The following ERICH1 variants were observed in gnomAD, a reference collection of about 807,000 sequenced individuals.
ERICH1 encodes the protein glutamate-rich protein 1.
Under a neutral mutation model 39.6 loss-of-function variants are expected in ERICH1, and 56 were observed. The observed-to-expected ratio is 1.41, with a 90% CI of 1.14 to 1.77. The LOEUF (loss-of-function observed/expected upper bound fraction) is 1.77. ERICH1 is among the 40% of genes most tolerant of loss of function. The pLI, the probability that ERICH1 is intolerant of heterozygous loss-of-function variation, is 0.00. For synonymous variants in ERICH1, 313 were observed against 223.6 expected (o/e 1.40, Z -3.57); for missense variants, 826 against 575.4 (o/e 1.44, Z -4.45).
At chr8:731,079 G>T in intron 1 of ERICH1, 61 bp downstream of exon 1, 1 of 1,396,622 alleles carries the variant, frequency 7.2e-7, no homozygotes, top group African/African-American at 1.5e-5. Context: ...AGTCAACACC[G>T]CGGTCTGAGC....
intron 3 of ERICH1, among the ~76,000 whole-genome samples, chr8:636,702 C>T (rs998980169): frequency 2.6e-5 from 4 of 152,230 alleles, no homozygotes; most frequent in East Asian, 1.9e-4. Flanking sequence ...GTGCAGCCTC[C>T]GACACTGTGA....
downstream of ERICH1, among the ~76,000 whole-genome samples, chr8:660,741 G>C (rs948211682): frequency 1.3e-5 from 2 of 152,224 alleles, no homozygotes; most frequent in Admixed American, 6.5e-5. Flanking sequence ...AGAGATGAAA[G>C]AATGGCTGGG....
rs144899953 is a variant in ERICH1 at position 643,698 on chromosome 8, C to T, written c.976+24900G>A. 1.1e-4 allele frequency among the ~76,000 whole-genome samples: 17 copies of T among 152,340 alleles called. 1 individual carries two copies. The East Asian group carries it at 3.1e-3, about 28-fold the overall frequency. ...GACAGCATCTGGAATGTCACTGAGC[C>T]ATCCGCGACTTCGGGAGCTTGTGGG... On this transcript the variant is annotated intron_variant, in intron 3 of 3. Coordinates refer to the ERICH1 transcript ENST00000522706.
intron 3 of ERICH1, among the ~76,000 whole-genome samples, chr8:642,111 C>T (rs2117231323): frequency 6.6e-6 from 1 of 152,206 alleles, no homozygotes; most frequent in East Asian, 1.9e-4. Flanking sequence ...TTTGGGTGAG[C>T]ACATGCAAAA....
At chr8:628,228 G>C (rs35204160) in intron 3 of ERICH1, among the ~76,000 whole-genome samples, 26,464 of 152,200 alleles carry the variant, frequency 0.17, 2,663 homozygotes, top group East Asian at 0.37. Context: ...GGCTAGCCAG[G>C]GCCCCAGGCA....
intron 3 of ERICH1, among the ~76,000 whole-genome samples, chr8:629,594 A>G (rs2923935): frequency 1.5e-3 from 161 of 110,770 alleles, no homozygotes; most frequent in African/African-American, 5.0e-3. Context: ...CCACCCACAG[A>G]GACAGAGCTG....
intron 2 of ERICH1, among the ~76,000 whole-genome samples, chr8:707,730 A>T (rs1300649439): frequency 1.3e-5 from 2 of 152,256 alleles, no homozygotes; most frequent in Non-Finnish European, 2.9e-5. Context: ...GTGGCCTTTG[A>T]TTAGGCAATG....
At chr8:721,800 G>A (rs1817383288) in intron 1 of ERICH1, among the ~76,000 whole-genome samples, 1 of 152,186 alleles carries the variant, frequency 6.6e-6, no homozygotes, top group South Asian at 2.1e-4. Flanking sequence ...ACACAGTGAA[G>A]CATTTGTCAT....
chr8:717,937 C>G (rs1216732236), intron 1 of ERICH1, among the ~76,000 whole-genome samples: 1 of 152,204 alleles, frequency 6.6e-6, no homozygotes, highest in African/African-American at 2.4e-5. Context: ...GACGCTGGGC[C>G]CAAGCAAGCA....
At position 633,294 on chromosome 8, in the gene ERICH1, CA is replaced by C. The variant is rs535705364; in HGVS notation, c.977-18011del. On this transcript the variant is annotated intron_variant, in intron 3 of 3. Coordinates refer to the ERICH1 transcript ENST00000522706. ...GCACAGCTAAAAACGTGTATTGCAG[CA>C]TTGCCATAACAAAAAATGAACACGT... Among the ~76,000 whole-genome samples the C allele has an allele frequency of 4.0e-3, 606 of 152,298 alleles. 2 individuals are homozygous for C. The highest frequency in any genetic ancestry group is 5.9e-3 in the Non-Finnish European group (401 of 68,022).
chr8:621,534 A>G (rs1482211795), intron 3 of ERICH1, among the ~76,000 whole-genome samples: 1 of 151,754 alleles, frequency 6.6e-6, no homozygotes, highest in African/African-American at 2.4e-5. Flanking sequence ...AATAATTAAA[A>G]AGAGAAAGGA....
chr8:644,005 G>C (rs915872446), intron 3 of ERICH1, among the ~76,000 whole-genome samples: 2 of 152,348 alleles, frequency 1.3e-5, no homozygotes, highest in Non-Finnish European at 2.9e-5. Context: ...GCAGGAGCAG[G>C]AGTCCTGTGG....
intron 3 of ERICH1, among the ~76,000 whole-genome samples, chr8:678,889 C>T (rs889399314): frequency 6.6e-6 from 1 of 152,146 alleles, no homozygotes; most frequent in Admixed American, 6.5e-5. Flanking sequence ...ACGACTCCAA[C>T]GTCCCTCACG....
chr8:681,003 G>T (rs1397051231), intron 3 of ERICH1, among the ~76,000 whole-genome samples: 1 of 152,206 alleles, frequency 6.6e-6, no homozygotes, highest in Non-Finnish European at 1.5e-5. Flanking sequence ...TCAGGGTCAT[G>T]CTACATGCAG....
At chr8:619,419 G>C (rs1797140811) in intron 3 of ERICH1, among the ~76,000 whole-genome samples, 1 of 152,094 alleles carries the variant, frequency 6.6e-6, no homozygotes, top group Non-Finnish European at 1.5e-5. Flanking sequence ...AAAAGAATAT[G>C]TATATAATTA....
intron 2 of ERICH1, among the ~76,000 whole-genome samples, chr8:714,697 CGG>C: frequency 1.7e-4 from 5 of 29,664 alleles, no homozygotes; most frequent in Non-Finnish European, 1.5e-4. Context: ...CGGCCTCTTC[CGG>C]CATCTCTCGG....
chr8:642,514 T>G (rs926699492), intron 3 of ERICH1, among the ~76,000 whole-genome samples: 1 of 151,872 alleles, frequency 6.6e-6, no homozygotes, highest in Non-Finnish European at 1.5e-5. Context: ...CCGGCTAATT[T>G]TTTGTATTTT....
chr8:646,830 G>A (rs1799504971), intron 3 of ERICH1, among the ~76,000 whole-genome samples: 1 of 69,392 alleles, frequency 1.4e-5, no homozygotes, highest in South Asian at 5.5e-4. Context: ...CCCTGCTGGT[G>A]CCTCTGGTGA....
rs1056362105 is a variant in ERICH1 at position 640,479 on chromosome 8, G to A, written c.977-25195C>T. 3 of 152,228 alleles carry A rather than the reference G, an allele frequency of 2.0e-5. No individual in the cohort carries two copies. The East Asian group carries it at 5.8e-4, about 29-fold the overall frequency. The allele number at this position is 152,228 out of a possible 1,614,324, so 9.4% of individuals were successfully genotyped here. Reference sequence around the variant, plus strand: ...CTCAGATGGCACAACTTGTTTGTCAGCTAAGACCGCTGCTTTCCAGTCCTA... The same window carrying A: ...CTCAGATGGCACAACTTGTTTGTCAACTAAGACCGCTGCTTTCCAGTCCTA... On this transcript the variant is annotated intron_variant, in intron 3 of 3. Transcript: ENST00000522706.
Sources: gnomAD v4.1 joint callset for allele counts (sites outside exome capture counted in the v4.1 genomes callset) on GRCh38, gnomAD v4.1.1 for gene constraint, MANE v1.5 for transcripts, NCBI Gene and HGNC (gene_info 2026-07-23, HGNC 2026-07-21) for gene names.